The following ITGB6 variants were observed in gnomAD, a reference collection of about 807,000 sequenced individuals.
ITGB6 encodes integrin beta-6.
Under a neutral mutation model 84.5 loss-of-function variants are expected in ITGB6, and 80 were observed. That is an observed-to-expected ratio of 0.95 (90% CI 0.79 to 1.14). The LOEUF (loss-of-function observed/expected upper bound fraction) is 1.14, where lower values mean the gene tolerates loss of function less well. ITGB6 is among the 50% of genes most tolerant of loss of function. The pLI, the probability that ITGB6 is intolerant of heterozygous loss-of-function variation, is 0.00. For synonymous variants in ITGB6, 383 were observed against 354.9 expected, an observed-to-expected ratio of 1.08 and a Z score of -0.89; for missense variants, 1,006 against 968.0, an observed-to-expected ratio of 1.04 and a Z score of -0.52.
chr2:160,178,371 G>T (rs370609939), intron 4 of ITGB6, among the ~76,000 whole-genome samples: 2 of 152,298 alleles, frequency 1.3e-5, no homozygotes, highest in African/African-American at 4.8e-5. Context: ...ATTATTTGGG[G>T]CTACTGGTTC....
chr2:160,193,385 T>C (rs1686214247), intron 4 of ITGB6, among the ~76,000 whole-genome samples: 1 of 152,174 alleles, frequency 6.6e-6, no homozygotes, highest in Non-Finnish European at 1.5e-5. Flanking sequence ...ACATAGGGCA[T>C]ATACTACATT....
chr2:160,122,553 T>C (rs1161701100), intron 12 of ITGB6, among the ~76,000 whole-genome samples: 1 of 152,150 alleles, frequency 6.6e-6, no homozygotes, highest in East Asian at 1.9e-4. Flanking sequence ...TTGCACCAGG[T>C]ACTAATGTGG....
chr2:160,121,988 C>T (rs73968043), intron 12 of ITGB6, among the ~76,000 whole-genome samples: 6,120 of 150,704 alleles, frequency 0.041, 367 homozygotes, highest in African/African-American at 0.14. Flanking sequence ...AAATATTATG[C>T]GATCATTTCA....
At position 160,112,099 on chromosome 2, in the gene ITGB6, A is replaced by G. The variant is rs373773195; in HGVS notation, c.2082T>C (p.Ile694=). 2 of 1,613,166 alleles carry G rather than the reference A, an allele frequency of 1.2e-6. No individual in the cohort carries two copies. The highest frequency in any genetic ancestry group is 2.7e-5 in the African/African-American group (2 of 74,894). ...ITTDNEGKTI[I]HSINEKDCPK... ...ACCCACCTTTTTCATTGATGCTGTG[A>G]ATGATGGTTTTCCCCTCATTATCTG... Residue 694 remains isoleucine, a synonymous_variant, in exon 13 of 15, where the codon ATT becomes ATC. Transcript: ENST00000283249.
intron 12 of ITGB6, among the ~76,000 whole-genome samples, chr2:160,120,676 A>T (rs1682991901): frequency 1.8e-5 from 1 of 56,496 alleles, no homozygotes; most frequent in African/African-American, 6.8e-5. Flanking sequence ...ATTAAAAAAA[A>T]AAAAAAAAAA....
chr2:160,135,662 G>C (rs1478244439), intron 10 of ITGB6, among the ~76,000 whole-genome samples: 1 of 151,320 alleles, frequency 6.6e-6, no homozygotes, highest in African/African-American at 2.4e-5. Context: ...TATACTACAA[G>C]GCTACAGTAA....
intron 4 of ITGB6, among the ~76,000 whole-genome samples, chr2:160,175,196 G>T (rs533085517): frequency 1.3e-5 from 2 of 152,320 alleles, no homozygotes; most frequent in South Asian, 4.2e-4. Flanking sequence ...TACTTTGTCA[G>T]CACGAGAAGG....
At chr2:160,185,936 G>A (rs1685876298) in intron 4 of ITGB6, among the ~76,000 whole-genome samples, 1 of 152,038 alleles carries the variant, frequency 6.6e-6, no homozygotes, top group African/African-American at 2.4e-5. Flanking sequence ...AAACTGAACT[G>A]GACCCCTTCC....
intron 7 of ITGB6, among the ~76,000 whole-genome samples, chr2:160,152,597 G>A (rs532251498): frequency 6.6e-6 from 1 of 152,268 alleles, no homozygotes; most frequent in Non-Finnish European, 1.5e-5. Flanking sequence ...GATCTGGCTA[G>A]GGCAATCAGG....
At chr2:160,166,142 T>C (rs1183634041) in intron 7 of ITGB6, among the ~76,000 whole-genome samples, 3 of 152,206 alleles carry the variant, frequency 2.0e-5, no homozygotes, top group African/African-American at 7.2e-5. Context: ...TTTGGCTGCA[T>C]AAAAACCTGC....
intron 10 of ITGB6, among the ~76,000 whole-genome samples, chr2:160,131,534 G>A (rs1683468513): frequency 6.6e-6 from 1 of 152,086 alleles, no homozygotes; most frequent in South Asian, 2.1e-4. Context: ...CACAATTTTT[G>A]TCCCTGCACT....
intron 2 of ITGB6, among the ~76,000 whole-genome samples, chr2:160,197,007 T>G (rs2105899527): frequency 6.6e-6 from 1 of 152,266 alleles, no homozygotes; most frequent in South Asian, 2.1e-4. Flanking sequence ...ATCGGTCTGT[T>G]ACCCTTATAT....
chr2:160,102,464 C>T (rs906158877), intron 14 of ITGB6, among the ~76,000 whole-genome samples: 1 of 152,194 alleles, frequency 6.6e-6, no homozygotes, highest in Admixed American at 6.5e-5. Flanking sequence ...CTTTTGCTTA[C>T]TATGTACAAC....
At chr2:160,114,251 T>C (rs1009730941) in intron 12 of ITGB6, among the ~76,000 whole-genome samples, 3 of 152,170 alleles carry the variant, frequency 2.0e-5, no homozygotes, top group African/African-American at 4.8e-5. Flanking sequence ...TGTTTCATGG[T>C]GTTTGGGTAT....
intron 4 of ITGB6, among the ~76,000 whole-genome samples, chr2:160,190,888 C>T (rs920440675): frequency 1.3e-5 from 2 of 152,134 alleles, no homozygotes; most frequent in Non-Finnish European, 2.9e-5. Flanking sequence ...GTTGCTACAT[C>T]GTACCTGATC....
intron 11 of ITGB6, among the ~76,000 whole-genome samples, chr2:160,124,823 A>G (rs1683174570): frequency 6.6e-6 from 1 of 152,210 alleles, no homozygotes; most frequent in Admixed American, 6.5e-5. Context: ...TTTGCAGTGG[A>G]AGCCTCAGGA....
At chr2:160,183,060 G>A (rs1402143391) in intron 4 of ITGB6, among the ~76,000 whole-genome samples, 1 of 152,112 alleles carries the variant, frequency 6.6e-6, no homozygotes, top group East Asian at 1.9e-4. Context: ...AAAGACCGTC[G>A]ACACTATGAA....
At chr2:160,102,582 G>A (rs1403536813) in intron 14 of ITGB6, among the ~76,000 whole-genome samples, 2 of 152,232 alleles carry the variant, frequency 1.3e-5, no homozygotes, top group African/African-American at 4.8e-5. Context: ...GGGGCAGTGG[G>A]AAGGTTGGGT....
intron 12 of ITGB6, among the ~76,000 whole-genome samples, chr2:160,116,268 T>C (rs1412862641): frequency 6.6e-6 from 1 of 151,910 alleles, no homozygotes; most frequent in Non-Finnish European, 1.5e-5. Context: ...GAGAGAAAGG[T>C]TGGGTTACCC....
Sources: allele counts gnomAD v4.1 joint callset (sites outside exome capture counted in the v4.1 genomes callset), GRCh38; gene constraint gnomAD v4.1.1; transcripts MANE v1.5; gene names NCBI Gene and HGNC (gene_info 2026-07-23, HGNC 2026-07-21).